The following PMS1 variants were observed in gnomAD, a reference collection of about 807,000 sequenced individuals.
PMS1 encodes the protein PMS1 homolog 1, mismatch repair system component.
PMS1 carries 79 observed loss-of-function variants against 93.1 expected under a neutral mutation model. The observed-to-expected ratio is 0.85, with a 90% confidence interval of 0.71 to 1.02. PMS1 has a LOEUF of 1.02. Among genes scored for constraint, PMS1 ranks in the 50% least tolerant of loss-of-function variants. The pLI, the probability that PMS1 is intolerant of heterozygous loss-of-function variation, is 0.00. For synonymous variants in PMS1, 335 were observed against 363.4 expected (o/e 0.92, Z 0.89); for missense variants, 1,064 against 1,085.3 (o/e 0.98, Z 0.28).
intron 4 of PMS1, among the ~76,000 whole-genome samples, chr2:189,815,478 T>A (rs577650303): frequency 6.6e-6 from 1 of 152,286 alleles, no homozygotes; most frequent in African/African-American, 2.4e-5. Flanking sequence ...TGATAGTGAG[T>A]TCTCACGAGA....
At chr2:189,852,511 C>T (rs1488421391) in intron 6 of PMS1, 144 bp from the exon 7 acceptor site, 1 of 707,180 alleles carries the variant, frequency 1.4e-6, no homozygotes, top group Admixed American at 2.3e-5. Flanking sequence ...ATACTTAAGA[C>T]ATGATTATCA....
intron 6 of PMS1, among the ~76,000 whole-genome samples, chr2:189,845,384 A>G (rs939603866): frequency 3.9e-5 from 6 of 152,080 alleles, no homozygotes; most frequent in Non-Finnish European, 5.9e-5. Flanking sequence ...TTGTACTCCC[A>G]TCAGTTGCTC....
intron 6 of PMS1, among the ~76,000 whole-genome samples, chr2:189,848,085 CT>C (rs978768414): frequency 1.6e-4 from 25 of 152,164 alleles, no homozygotes; most frequent in Non-Finnish European, 1.0e-4. Flanking sequence ...CACTCCAGTG[CT>C]ACTTCAAACT....
chr2:189,823,884 A>G (rs1159826279), intron 5 of PMS1, among the ~76,000 whole-genome samples: 1 of 152,242 alleles, frequency 6.6e-6, no homozygotes, highest in Non-Finnish European at 1.5e-5. Flanking sequence ...ATTAGTTATT[A>G]TAACTAAACA....
At chr2:189,842,867 T>C (rs890183042) in intron 5 of PMS1, among the ~76,000 whole-genome samples, 1 of 152,040 alleles carries the variant, frequency 6.6e-6, no homozygotes, top group Non-Finnish European at 1.5e-5. Context: ...CAGTTTTCAA[T>C]AAATACTTAG....
At chr2:189,850,500 G>A (rs1261778169) in intron 6 of PMS1, among the ~76,000 whole-genome samples, 1 of 152,092 alleles carries the variant, frequency 6.6e-6, no homozygotes, top group African/African-American at 2.4e-5. Context: ...TAAGCACTGG[G>A]GAGTGAAATA....
chr2:189,818,099 T>C lies in PMS1; in HGVS notation c.501T>C (p.Asp167=), dbSNP rs1433939520. 3 of 1,607,834 alleles carry C rather than the reference T, an allele frequency of 1.9e-6. No homozygotes were observed. The highest frequency in any genetic ancestry group is 2.6e-6 in the Non-Finnish European group (3 of 1,174,834). Residue 167 remains aspartate (D), a synonymous_variant, in exon 5 of 13, where the codon GAT becomes GAC. Coordinates refer to ENST00000441310, the MANE Select transcript of PMS1 (RefSeq NM_000534.5). Reference sequence around the variant, plus strand: ...ACTCAACTGCAAAAAAATGTAAAGATGAAATAAAAAAGATCCAAGATCTCC... The same window carrying C: ...ACTCAACTGCAAAAAAATGTAAAGACGAAATAAAAAAGATCCAAGATCTCC... The part of the protein sequence containing the change: ...QFYSTAKKCK[D]EIKKIQDLLM...
At chr2:189,868,613 C>T (rs1575378460) in intron 11 of PMS1, among the ~76,000 whole-genome samples, 1 of 152,158 alleles carries the variant, frequency 6.6e-6, no homozygotes, top group East Asian at 1.9e-4. Flanking sequence ...GGAAGGACTC[C>T]ACTGTCTCCC....
chr2:189,861,344 G>A (rs954180563), intron 9 of PMS1, among the ~76,000 whole-genome samples: 1 of 150,564 alleles, frequency 6.6e-6, no homozygotes, highest in Admixed American at 6.6e-5. Context: ...ACATATACTG[G>A]CAACTAATTC....
intron 4 of PMS1, among the ~76,000 whole-genome samples, chr2:189,809,781 G>A (rs1031389552): frequency 6.6e-6 from 1 of 152,060 alleles, no homozygotes; most frequent in South Asian, 2.1e-4. Context: ...GCAGTGAGCC[G>A]AGATTGTGCC....
intron 5 of PMS1, among the ~76,000 whole-genome samples, chr2:189,821,380 G>A (rs1466546120): frequency 6.6e-6 from 1 of 151,754 alleles, no homozygotes; most frequent in Non-Finnish European, 1.5e-5. Context: ...ACTTAAACCC[G>A]GGAAGCAGGG....
intron 5 of PMS1, among the ~76,000 whole-genome samples, chr2:189,836,798 T>C (rs1180581461): frequency 6.6e-6 from 1 of 152,250 alleles, no homozygotes. Flanking sequence ...CCTAGCATGT[T>C]TACTTTAAAG....
intron 9 of PMS1, 57 bp downstream of exon 9, chr2:189,855,185 A>T: frequency 7.0e-7 from 1 of 1,433,352 alleles, no homozygotes; most frequent in Non-Finnish European, 9.8e-7. Flanking sequence ...ATTCTATATG[A>T]CTCACTGTTT....
In PMS1 at chr2:189,864,131, C is replaced by G. The variant is rs1254607179; in HGVS notation, c.2245C>G (p.Pro749Ala). ...TSKTEVMLLN[P>A]YRVEEALLFK... Reference sequence around the variant, plus strand: ...CAAAACAGAGGTAATGTTATTAAATCCATATAGAGTAGAAGAAGCCCTGCT... The same window carrying G: ...CAAAACAGAGGTAATGTTATTAAATGCATATAGAGTAGAAGAAGCCCTGCT... Residue 749 changes from proline (P) to alanine (A), a missense_variant, in exon 10 of 13, where the codon CCA (proline) becomes GCA (alanine). Physicochemically the swap from Pro to Ala is conservative, Grantham distance 27 (BLOSUM62 -1). Coordinates refer to ENST00000441310, the MANE Select transcript of PMS1 (RefSeq NM_000534.5). The G allele has an allele frequency of 6.2e-7, 1 of 1,612,108 alleles. No homozygotes were observed. The highest frequency in any genetic ancestry group is 1.7e-5 in the Admixed American group (1 of 59,948).
intron 5 of PMS1, among the ~76,000 whole-genome samples, chr2:189,822,867 A>G (rs1014397442): frequency 1.3e-5 from 2 of 152,216 alleles, no homozygotes; most frequent in African/African-American, 4.8e-5. Flanking sequence ...GAAAATTGTC[A>G]AAGGAGCTAA....
At chr2:189,820,995 C>T (rs2051807150) in intron 5 of PMS1, among the ~76,000 whole-genome samples, 1 of 151,724 alleles carries the variant, frequency 6.6e-6, no homozygotes, top group Non-Finnish European at 1.5e-5. Context: ...GGAGGCTCAT[C>T]CTATTAATAA....
chr2:189,863,683 C>A, intron 9 of PMS1, 60 bp from the exon 10 acceptor site: 1 of 1,299,130 alleles, frequency 7.7e-7, no homozygotes, highest in Non-Finnish European at 1.1e-6. Context: ...AAATTTACTT[C>A]AGATGGTTAA....
chr2:189,842,992 A>ATG (rs908540121), intron 5 of PMS1, among the ~76,000 whole-genome samples: 9 of 135,946 alleles, frequency 6.6e-5, no homozygotes, highest in African/African-American at 1.5e-4. Flanking sequence ...ACACACATAT[A>ATG]TGTGTGTGTG....
In PMS1 at chr2:189,844,093, A is replaced by G; in HGVS notation, c.699+13A>G. On this transcript the variant is annotated intron_variant, in intron 6 of 12. Coordinates refer to ENST00000441310, the MANE Select transcript of PMS1 (RefSeq NM_000534.5). ...TGAAGAATCTCAGGTATACTGCAAA[A>G]ACATTCTCAGATAATTCTGATTTAC... The G allele has an allele frequency of 6.2e-7, 1 of 1,613,132 alleles. No homozygotes were observed. The highest frequency in any genetic ancestry group is 8.5e-7 in the Non-Finnish European group (1 of 1,179,840).
Sources: allele counts gnomAD v4.1 joint callset (sites outside exome capture counted in the v4.1 genomes callset), GRCh38; gene constraint gnomAD v4.1.1; transcripts MANE v1.5; gene names NCBI Gene and HGNC (gene_info 2026-07-23, HGNC 2026-07-21).